The following GLT1D1 variants were observed in gnomAD, a reference collection of about 807,000 sequenced individuals.
GLT1D1 encodes the protein glycosyltransferase 1 domain containing 1.
Under a neutral mutation model 28.7 loss-of-function variants are expected in GLT1D1, and 21 were observed. The observed-to-expected ratio is 0.73, with a 90% CI of 0.52 to 1.05. The LOEUF is 1.05. GLT1D1 is among the 50% of genes least tolerant of loss of function. The pLI, the probability that GLT1D1 is intolerant of heterozygous loss-of-function variation, is 0.00. For synonymous variants in GLT1D1, 147 were observed against 124.8 expected (o/e 1.18, Z -1.19); for missense variants, 343 against 330.6 (o/e 1.04, Z -0.29).
intron 1 of GLT1D1, among the ~76,000 whole-genome samples, chr12:128,869,950 T>A (rs1956641134): frequency 6.6e-6 from 1 of 151,680 alleles, no homozygotes; most frequent in Non-Finnish European, 1.5e-5. Flanking sequence ...TTTTTTTTTT[T>A]TTTTTTGAGG....
At chr12:128,942,735 G>GTTGTTTT (rs1875440178) in intron 4 of GLT1D1, among the ~76,000 whole-genome samples, 2 of 89,518 alleles carry the variant, frequency 2.2e-5, no homozygotes, top group African/African-American at 8.6e-5. Flanking sequence ...AATTTTCTTT[G>GTTGTTTT]TTTGTTTGTT....
chr12:128,947,386 CGCGGTG>C lies in GLT1D1; in HGVS notation c.470_475del (p.Ala157_Val158del). 1 of 1,613,978 alleles carries C rather than the reference CGCGGTG, an allele frequency of 6.2e-7. No individual in the cohort carries two copies. On this transcript the variant is annotated inframe_deletion, in exon 6 of 8. Transcript: ENST00000281703. ...GAGAGATGCCTCAAGAAGATCTGCA[CGCGGTG>C]GTGAAGAATTGCTTCGCGGTGGTGA...
Position 128,868,542 on chromosome 12 carries a change from G to A in GLT1D1, c.69-7372G>A, listed in dbSNP as rs1343833214. On this transcript the variant is annotated intron_variant, in intron 1 of 7. Transcript: ENST00000281703. The stretch of plus-strand genomic sequence containing the variant: ...TTCTGAAGATGTAGAGGACTAACAG[G>A]TGTTGTGGATCTTGAAGGAGTGAGA... Among the ~76,000 whole-genome samples the A allele has an allele frequency of 2.0e-5, 3 of 152,344 alleles. No homozygotes were observed. The East Asian group carries it at 5.8e-4, about 29-fold the overall frequency.
At chr12:128,944,610 C>G in intron 4 of GLT1D1, 1 of 742,050 alleles carries the variant, frequency 1.3e-6, no homozygotes, top group Non-Finnish European at 2.5e-6. Context: ...AGGACATATT[C>G]AGGTTAATCA....
At chr12:128,879,395 TTTC>T in intron 2 of GLT1D1, among the ~76,000 whole-genome samples, 1 of 76,712 alleles carries the variant, frequency 1.3e-5, no homozygotes, top group African/African-American at 6.2e-5. Flanking sequence ...TCTTTCTTTC[TTTC>T]TTTCTTTCTT....
At chr12:128,977,776 T>C (rs1294364218) in intron 7 of GLT1D1, among the ~76,000 whole-genome samples, 3 of 20,548 alleles carry the variant, frequency 1.5e-4, no homozygotes, top group Non-Finnish European at 3.2e-4. Flanking sequence ...TTTTTTCTTT[T>C]TTCTTTTTTT....
chr12:128,927,448 CA>C (rs1461834653), intron 4 of GLT1D1, among the ~76,000 whole-genome samples: 1 of 151,586 alleles, frequency 6.6e-6, no homozygotes, highest in Non-Finnish European at 1.5e-5. Context: ...CCGTGTTAGC[CA>C]GGATGGTCTC....
At chr12:128,942,561 C>T (rs545837903) in intron 4 of GLT1D1, among the ~76,000 whole-genome samples, 46 of 151,948 alleles carry the variant, frequency 3.0e-4, no homozygotes, top group Non-Finnish European at 5.7e-4. Flanking sequence ...ACAGCTTGTA[C>T]GAGGGCTTGT....
chr12:128,963,848 G>T (rs938174466), intron 7 of GLT1D1, among the ~76,000 whole-genome samples: 1 of 152,176 alleles, frequency 6.6e-6, no homozygotes, highest in Non-Finnish European at 1.5e-5. Context: ...TGGGTGGTGC[G>T]CAGATGGCAG....
At chr12:128,934,418 T>C (rs1874319044) in intron 4 of GLT1D1, among the ~76,000 whole-genome samples, 1 of 152,154 alleles carries the variant, frequency 6.6e-6, no homozygotes, top group African/African-American at 2.4e-5. Flanking sequence ...GGTCTCGAAC[T>C]CCTGACTTCA....
chr12:128,888,669 G>A lies in GLT1D1; in HGVS notation c.248G>A (p.Gly83Asp), dbSNP rs764126401. Residue 83 changes from glycine to aspartate, a missense_variant, in exon 3 of 8, where the codon GGT becomes GAT. Coordinates refer to ENST00000281703, the MANE Select transcript of GLT1D1 (RefSeq NM_144669.3). ...CGAATCCCTTTTGGAGTCATCTTTG[G>A]TGGAACTGATGTAAATGAAGATGCC... 5.6e-6 allele frequency: 9 copies of A among 1,613,612 alleles called. No homozygotes were observed. In the Admixed American group the frequency reaches 1.3e-4, roughly 24 times the overall value.
chr12:128,899,172 GTTTC>G (rs66757130), intron 3 of GLT1D1, 60 bp from the exon 4 acceptor site: 74,641 of 1,232,604 alleles, frequency 0.061, 2,638 homozygotes, highest in Middle Eastern at 0.11. Flanking sequence ...CCAAAGAGCT[GTTTC>G]ATAGTTCTTT....
intron 1 of GLT1D1, among the ~76,000 whole-genome samples, chr12:128,869,208 C>T (rs1956623490): frequency 6.6e-6 from 1 of 152,176 alleles, no homozygotes; most frequent in South Asian, 2.1e-4. Flanking sequence ...ACTCGGTCGT[C>T]CAGGCTGGAG....
At chr12:128,961,289 G>A (rs1195856590) in intron 7 of GLT1D1, among the ~76,000 whole-genome samples, 1 of 152,170 alleles carries the variant, frequency 6.6e-6, no homozygotes, top group Non-Finnish European at 1.5e-5. Flanking sequence ...GTGCAATTCA[G>A]TCCGAGGCTA....
intron 3 of GLT1D1, among the ~76,000 whole-genome samples, chr12:128,895,672 G>T (rs191476315): frequency 1.1e-4 from 17 of 152,050 alleles, no homozygotes; most frequent in African/African-American, 3.9e-4. Context: ...GGTCAGGCTG[G>T]TCTCTCAAAC....
chr12:128,977,070 C>CGGGAGGCAGAGGTTGCA (rs1369104328), intron 7 of GLT1D1, among the ~76,000 whole-genome samples: 1 of 152,156 alleles, frequency 6.6e-6, no homozygotes, highest in African/African-American at 2.4e-5. Flanking sequence ...CGCTTGACCC[C>CGGGAGGCAGAGGTTGCA]GGGAGGCAGA....
chr12:128,904,435 G>A (rs185636638), intron 4 of GLT1D1, among the ~76,000 whole-genome samples: 2 of 151,710 alleles, frequency 1.3e-5, no homozygotes, highest in African/African-American at 4.9e-5. Flanking sequence ...AATAGAATTT[G>A]GAGGGGGAAA....
At chr12:128,936,649 A>G (rs913741085) in intron 4 of GLT1D1, among the ~76,000 whole-genome samples, 5 of 152,120 alleles carry the variant, frequency 3.3e-5, no homozygotes, top group African/African-American at 1.2e-4. Flanking sequence ...GTGCTCTTTG[A>G]TAAGGAGTGG....
chr12:128,941,987 T>A (rs12319489), intron 4 of GLT1D1, among the ~76,000 whole-genome samples: 17,485 of 150,422 alleles, frequency 0.12, 2,840 homozygotes, highest in African/African-American at 0.37. Context: ...CCTACTTATT[T>A]TTTTCCCTCT....
Sources: allele counts gnomAD v4.1 joint callset (sites outside exome capture counted in the v4.1 genomes callset), GRCh38; gene constraint gnomAD v4.1.1; transcripts MANE v1.5; gene names NCBI Gene and HGNC (gene_info 2026-07-23, HGNC 2026-07-21).